The following DSCAML1 variants were observed in gnomAD, a reference collection of about 807,000 sequenced individuals.
DSCAML1 encodes the protein cell adhesion molecule DSCAML1.
DSCAML1 carries 38 observed loss-of-function variants against 200.5 expected under a neutral mutation model. That is an observed-to-expected ratio of 0.19 (90% CI 0.15 to 0.25). The LOEUF (loss-of-function observed/expected upper bound fraction) is 0.25. DSCAML1 is among the 10% of genes least tolerant of loss of function. The probability of loss-of-function intolerance (pLI) is 1.00; values close to 1 mark genes in which losing one functional copy is unlikely to be tolerated. For synonymous variants in DSCAML1, 1,215 were observed against 1,165.0 expected (o/e 1.04, Z -0.87); for missense variants, 2,223 against 2,858.8 (o/e 0.78, Z 5.07).
At chr11:117,789,048 G>A (rs770297875) in intron 1 of DSCAML1, among the ~76,000 whole-genome samples, 4 of 152,136 alleles carry the variant, frequency 2.6e-5, no homozygotes, top group Non-Finnish European at 4.4e-5. Context: ...ACCAAAAAAC[G>A]CTCCCCATTT....
At chr11:117,632,815 T>C (rs1459546085) in intron 3 of DSCAML1, among the ~76,000 whole-genome samples, 1 of 152,258 alleles carries the variant, frequency 6.6e-6, no homozygotes, top group Non-Finnish European at 1.5e-5. Flanking sequence ...CCATTTATTA[T>C]GTGCCAGGCA....
intron 11 of DSCAML1, among the ~76,000 whole-genome samples, chr11:117,493,624 C>G (rs569150957): frequency 6.6e-6 from 1 of 151,744 alleles, no homozygotes; most frequent in African/African-American, 2.4e-5. Flanking sequence ...TGGTCCTCTA[C>G]TTTTTATTTA....
rs769966155 is a variant in DSCAML1 at position 117,428,526 on chromosome 11, G to A, written c.5964C>T (p.Pro1988=). Residue 1988 remains proline (P), a synonymous_variant, in exon 33 of 33, where the codon CCC becomes CCT. Coordinates refer to ENST00000651296, the MANE Select transcript of DSCAML1 (RefSeq NM_020693.4). The part of the protein sequence containing the change: ...APPAGTAPPA[P]GPTPAEPPTA... The stretch of plus-strand genomic sequence containing the variant: ...TGGGTGGCTCAGCAGGGGTGGGGCC[G>A]GGGGCTGGGGGGGCTGTGCCGGCTG... 53 of 1,493,662 alleles carry A rather than the reference G, an allele frequency of 3.5e-5. No individual in the cohort carries two copies. The highest frequency in any genetic ancestry group is 2.5e-4 in the South Asian group (20 of 79,520). The allele number at this position is 1,493,662 out of a possible 1,614,324, so 92.5% of individuals were successfully genotyped here. A position where few individuals can be genotyped will look rare whatever the true frequency, so the allele number is the denominator to read the frequency against.
chr11:117,519,306 CT>C (rs1352930374), intron 6 of DSCAML1, among the ~76,000 whole-genome samples: 1 of 152,184 alleles, frequency 6.6e-6, no homozygotes, highest in Non-Finnish European at 1.5e-5. Flanking sequence ...CGCTGCAACC[CT>C]GTTAGCACAA....
intron 19 of DSCAML1, among the ~76,000 whole-genome samples, chr11:117,454,740 G>A (rs10790188): frequency 0.18 from 27,866 of 152,140 alleles, 3,948 homozygotes; most frequent in East Asian, 0.48. Context: ...TTCCTAAAGA[G>A]AGGATTCATG....
chr11:117,667,351 G>A (rs2053000195), intron 3 of DSCAML1, among the ~76,000 whole-genome samples: 2 of 152,214 alleles, frequency 1.3e-5, no homozygotes, highest in South Asian at 2.1e-4. Flanking sequence ...GGCAGAGGTT[G>A]TAGTGAGCCA....
chr11:117,675,881 C>T (rs1269073267), intron 3 of DSCAML1, among the ~76,000 whole-genome samples: 2 of 152,160 alleles, frequency 1.3e-5, no homozygotes, highest in African/African-American at 4.8e-5. Context: ...GAAATGCAAA[C>T]TGCATCGAAT....
chr11:117,741,121 C>T (rs926087480), intron 3 of DSCAML1, among the ~76,000 whole-genome samples: 2 of 152,248 alleles, frequency 1.3e-5, no homozygotes, highest in African/African-American at 4.8e-5. Flanking sequence ...GAGATGGTCT[C>T]CACCAGAGAT....
chr11:117,722,346 G>A (rs1454533485), intron 3 of DSCAML1, among the ~76,000 whole-genome samples: 2 of 151,828 alleles, frequency 1.3e-5, no homozygotes, highest in African/African-American at 4.8e-5. Context: ...GAAGTAGAGA[G>A]TGAAACTGTG....
At chr11:117,547,426 G>A (rs2050392719) in intron 3 of DSCAML1, among the ~76,000 whole-genome samples, 1 of 152,168 alleles carries the variant, frequency 6.6e-6, no homozygotes, top group African/African-American at 2.4e-5. Flanking sequence ...CCCGCCCTTG[G>A]CTCGCTTCTA....
At position 117,480,340 on chromosome 11, in the gene DSCAML1, A is replaced by G; in HGVS notation, c.2785+103T>C. On this transcript the variant is annotated intron_variant, in intron 14 of 32. Coordinates refer to ENST00000651296, the MANE Select transcript of DSCAML1 (RefSeq NM_020693.4). This position sits in a 1 kb window ranked among gnomAD's most constrained non-coding sequence, Gnocchi z 4.1. ...GCTTGTGTGTCTAGCTTGGATGGGC[A>G]GCCCTAAGGCTCAGGGGCTCTCCTC... 6.6e-7 allele frequency: 1 copy of G among 1,512,694 alleles called. No individual in the cohort carries two copies. The highest frequency in any genetic ancestry group is 8.9e-7 in the Non-Finnish European group (1 of 1,118,244). 93.7% of individuals were successfully genotyped at this position (1,512,694 alleles called of 1,614,324 possible). A position where few individuals can be genotyped will look rare whatever the true frequency, so the allele number is the denominator to read the frequency against.
At chr11:117,546,606 C>T (rs956641952) in intron 3 of DSCAML1, among the ~76,000 whole-genome samples, 3 of 151,996 alleles carry the variant, frequency 2.0e-5, no homozygotes, top group African/African-American at 4.8e-5. Context: ...TCCCGGGAGC[C>T]CTGACAGAGT....
intron 32 of DSCAML1, among the ~76,000 whole-genome samples, chr11:117,430,023 C>G (rs555724157): frequency 3.3e-5 from 5 of 152,336 alleles, no homozygotes; most frequent in African/African-American, 1.2e-4. Context: ...CGCCCCCTGC[C>G]TCAATTAGCA....
At chr11:117,578,365 G>A (rs1271347547) in intron 3 of DSCAML1, among the ~76,000 whole-genome samples, 4 of 151,008 alleles carry the variant, frequency 2.6e-5, no homozygotes, top group Admixed American at 6.6e-5. Context: ...CCTCCCTTCT[G>A]TTCCACATCT....
intron 1 of DSCAML1, among the ~76,000 whole-genome samples, chr11:117,785,341 G>A (rs2055331624): frequency 6.6e-6 from 1 of 152,218 alleles, no homozygotes; most frequent in Admixed American, 6.5e-5. Flanking sequence ...GCGTTGGGAA[G>A]AGGTAGGAGC....
chr11:117,631,201 G>T (rs1475793916), intron 3 of DSCAML1, among the ~76,000 whole-genome samples: 1 of 152,216 alleles, frequency 6.6e-6, no homozygotes, highest in East Asian at 1.9e-4. Context: ...GTCTGGGGGA[G>T]CCCCAAATCT....
intron 3 of DSCAML1, among the ~76,000 whole-genome samples, chr11:117,681,259 G>A (rs1308744114): frequency 6.6e-6 from 1 of 152,192 alleles, no homozygotes; most frequent in East Asian, 1.9e-4. Context: ...TGGTCCCTGA[G>A]CCAGCAGCAT....
chr11:117,616,810 TTAAAA>T (rs1375334241), intron 3 of DSCAML1, among the ~76,000 whole-genome samples: 1 of 152,234 alleles, frequency 6.6e-6, no homozygotes, highest in African/African-American at 2.4e-5. Context: ...AAAACATTTA[TTAAAA>T]TAAACATTAA....
In DSCAML1 at chr11:117,565,154, T is replaced by C. The variant is rs2050734503; in HGVS notation, c.512-32632A>G. ...CCTTCTCACCTGCTTTTTTCTGCTCTGCTTTCTCCTTAGTATTTCTTCTGT... is the reference window on the plus strand; with the variant it reads ...CCTTCTCACCTGCTTTTTTCTGCTCCGCTTTCTCCTTAGTATTTCTTCTGT... On this transcript the variant is annotated intron_variant, in intron 3 of 32. Transcript: ENST00000651296. 2.0e-5 allele frequency among the ~76,000 whole-genome samples: 3 copies of C among 152,200 alleles called. No homozygotes were observed. In the South Asian group the frequency reaches 6.2e-4, roughly 32 times the overall value.
Sources: gnomAD v4.1 joint callset for allele counts (sites outside exome capture counted in the v4.1 genomes callset) on GRCh38, gnomAD v4.1.1 for gene constraint, Gnocchi (gnomAD v3.1) non-coding constraint, MANE v1.5 for transcripts, NCBI Gene and HGNC (gene_info 2026-07-23, HGNC 2026-07-21) for gene names.